The following ZFPM2 variants were observed in gnomAD, a reference collection of about 807,000 sequenced individuals.
ZFPM2 encodes zinc finger protein ZFPM2.
ZFPM2 carries 20 observed loss-of-function variants against 98.6 expected under a neutral mutation model. The observed-to-expected ratio is 0.20, with a 90% CI of 0.14 to 0.29. The LOEUF is 0.29. Ranked by LOEUF, ZFPM2 falls within the 10% of genes least tolerant of loss-of-function variation. The pLI, the probability that ZFPM2 is intolerant of heterozygous loss-of-function variation, is 1.00. For synonymous variants in ZFPM2, 518 were observed against 502.7 expected (o/e 1.03, Z -0.41); for missense variants, 1,310 against 1,388.6 (o/e 0.94, Z 0.90).
intron 4 of ZFPM2, among the ~76,000 whole-genome samples, chr8:105,563,104 C>G (rs921335): frequency 6.6e-6 from 1 of 152,004 alleles, no homozygotes; most frequent in Non-Finnish European, 1.5e-5. Flanking sequence ...TTTAAATGAC[C>G]CTATCTATGC....
intron 1 of ZFPM2, among the ~76,000 whole-genome samples, chr8:105,337,680 T>C (rs188668741): frequency 1.9e-3 from 287 of 151,816 alleles, no homozygotes; most frequent in African/African-American, 6.7e-3. Flanking sequence ...TCTAATGTAT[T>C]AGAGCATAGA....
At chr8:105,722,971 C>T (rs1468056075) in intron 5 of ZFPM2, among the ~76,000 whole-genome samples, 8 of 151,796 alleles carry the variant, frequency 5.3e-5, no homozygotes, top group Admixed American at 2.0e-4. Flanking sequence ...CTTGAATAAT[C>T]GGAATCCTTC....
intron 5 of ZFPM2, among the ~76,000 whole-genome samples, chr8:105,783,210 G>GTTTTTTTTTTTTTTTTTTTTTTTTTA (rs753557703): frequency 1.1e-5 from 1 of 88,926 alleles, no homozygotes; most frequent in Non-Finnish European, 2.1e-5. Flanking sequence ...TTTCTTTATG[G>GTTTTTTTTTTTTTTTTTTTTTTTTTA]TTTTTTTTTT....
intron 5 of ZFPM2, among the ~76,000 whole-genome samples, chr8:105,772,867 C>CTGT (rs1256288651): frequency 6.6e-6 from 1 of 152,156 alleles, no homozygotes; most frequent in Non-Finnish European, 1.5e-5. Context: ...ACCCAGGCTT[C>CTGT]TGTTCTTACC....
At chr8:105,683,278 T>A (rs1335488297) in intron 5 of ZFPM2, among the ~76,000 whole-genome samples, 1 of 152,100 alleles carries the variant, frequency 6.6e-6, no homozygotes, top group African/African-American at 2.4e-5. Flanking sequence ...CTGACCCCAT[T>A]GGTATGTGAC....
At chr8:105,539,520 A>G (rs1363185780) in intron 3 of ZFPM2, among the ~76,000 whole-genome samples, 1 of 152,170 alleles carries the variant, frequency 6.6e-6, no homozygotes. Context: ...ATCTTGGAAA[A>G]AAGTAATGCT....
chr8:105,468,720 G>T (rs76589660), intron 3 of ZFPM2, among the ~76,000 whole-genome samples: 1 of 152,064 alleles, frequency 6.6e-6, no homozygotes, highest in African/African-American at 2.4e-5. Flanking sequence ...TGCATATGCG[G>T]CACTGTGCCA....
intron 3 of ZFPM2, among the ~76,000 whole-genome samples, chr8:105,523,293 C>G (rs1424318528): frequency 2.6e-5 from 4 of 152,126 alleles, no homozygotes; most frequent in Non-Finnish European, 5.9e-5. Context: ...GAGACTTATA[C>G]CAGTACCCCA....
chr8:105,388,931 T>C (rs1811053070), intron 1 of ZFPM2, among the ~76,000 whole-genome samples: 1 of 152,022 alleles, frequency 6.6e-6, no homozygotes, highest in African/African-American at 2.4e-5. Flanking sequence ...AGAAGAGGTG[T>C]TGATGGCCCT....
At chr8:105,523,830 C>T (rs1169071506) in intron 3 of ZFPM2, among the ~76,000 whole-genome samples, 3 of 152,134 alleles carry the variant, frequency 2.0e-5, no homozygotes, top group African/African-American at 7.2e-5. Context: ...TGTATAGCCT[C>T]AGCATCAACT....
chr8:105,664,845 T>C (rs780558550), intron 5 of ZFPM2, among the ~76,000 whole-genome samples: 21 of 152,278 alleles, frequency 1.4e-4, no homozygotes, highest in Middle Eastern at 3.4e-3. Flanking sequence ...GGTTTTATTA[T>C]AGAAACCATT....
intron 3 of ZFPM2, among the ~76,000 whole-genome samples, chr8:105,548,065 G>T (rs1037853557): frequency 5.9e-5 from 9 of 151,866 alleles, no homozygotes; most frequent in Admixed American, 5.9e-4. Flanking sequence ...CTGAGTGTCT[G>T]ATTCTGCTTT....
At position 105,801,567 on chromosome 8, in the gene ZFPM2, C is replaced by T; in HGVS notation, c.1485C>T (p.Gly495=). ...QPNIGPSFPV[G]PFLSQFSFPQ... ...ATATTGGGCCTTCTTTCCCTGTGGG[C>T]CCTTTCCTATCTCAGTTTTCTTTCC... The change falls in exon 8 of 8, where the codon GGC becomes GGT. Residue 495 remains glycine, a synonymous_variant. Coordinates refer to ENST00000407775, the MANE Select transcript of ZFPM2 (RefSeq NM_012082.4). The T allele has an allele frequency of 6.2e-7, 1 of 1,613,882 alleles. No homozygotes were observed. The highest frequency in any genetic ancestry group is 8.5e-7 in the Non-Finnish European group (1 of 1,179,852).
intron 5 of ZFPM2, among the ~76,000 whole-genome samples, chr8:105,766,289 C>T (rs552750706): frequency 3.9e-5 from 6 of 151,978 alleles, no homozygotes; most frequent in East Asian, 1.9e-4. Flanking sequence ...CCTCTCAAAG[C>T]GTTTGCTTGT....
At chr8:105,734,647 T>C (rs561867497) in intron 5 of ZFPM2, among the ~76,000 whole-genome samples, 15 of 152,040 alleles carry the variant, frequency 9.9e-5, no homozygotes, top group Middle Eastern at 3.4e-3. Flanking sequence ...GTTCTAAATA[T>C]TTGATAAATC....
intron 5 of ZFPM2, among the ~76,000 whole-genome samples, chr8:105,651,294 A>G (rs926123132): frequency 1.3e-5 from 2 of 151,890 alleles, no homozygotes; most frequent in African/African-American, 4.8e-5. Flanking sequence ...ATCATACTCA[A>G]TTGTTTAAAG....
chr8:105,620,385 T>C (rs1187750300), intron 4 of ZFPM2, among the ~76,000 whole-genome samples: 1 of 152,154 alleles, frequency 6.6e-6, no homozygotes, highest in Non-Finnish European at 1.5e-5. Context: ...GGTTGTTTGA[T>C]TTTTTCTTGT....
chr8:105,497,440 G>A (rs1813496516), intron 3 of ZFPM2, among the ~76,000 whole-genome samples: 1 of 152,098 alleles, frequency 6.6e-6, no homozygotes, highest in Non-Finnish European at 1.5e-5. Flanking sequence ...TCAACAGTTA[G>A]CAAAGGCATT....
At chr8:105,702,377 T>G (rs193246683) in intron 5 of ZFPM2, among the ~76,000 whole-genome samples, 224 of 152,316 alleles carry the variant, frequency 1.5e-3, no homozygotes, top group Middle Eastern at 0.01. Context: ...CAAATGTAGG[T>G]GAAAAGTACT....
Sources: allele counts gnomAD v4.1 joint callset (sites outside exome capture counted in the v4.1 genomes callset), GRCh38; gene constraint gnomAD v4.1.1; transcripts MANE v1.5; gene names NCBI Gene and HGNC (gene_info 2026-07-23, HGNC 2026-07-21).